APOLD1: variants seen among roughly 807,000 people sequenced by gnomAD.
APOLD1 encodes the protein apolipoprotein L domain containing 1.
Under a neutral mutation model 15.3 loss-of-function variants are expected in APOLD1, and 22 were observed. That is an observed-to-expected ratio of 1.44 (90% confidence interval 1.03 to 2.05). The LOEUF (loss-of-function observed/expected upper bound fraction) is 2.05, where lower values mean the gene tolerates loss of function less well. APOLD1 is among the 30% of genes most tolerant of loss of function. The probability of loss-of-function intolerance (pLI) is 0.00; values close to 1 mark genes in which losing one functional copy is unlikely to be tolerated. For missense variants in APOLD1, 394 were observed against 353.5 expected, an observed-to-expected ratio of 1.11 and a Z score of -0.92; for synonymous variants, 190 against 167.4, an observed-to-expected ratio of 1.13 and a Z score of -1.04.
At chr12:12,782,253 C>T (rs1001292140), upstream of APOLD1, among the ~76,000 whole-genome samples, 12 of 138,724 alleles carry the variant, frequency 8.7e-5, no homozygotes, top group South Asian at 2.4e-4. Flanking sequence ...AGCAAGACTC[C>T]GTCTCAAACA....
intron 1 of APOLD1, among the ~76,000 whole-genome samples, chr12:12,753,189 AAG>A (rs1478463745): frequency 2.0e-5 from 3 of 152,252 alleles, no homozygotes; most frequent in East Asian, 1.9e-4. Context: ...GCTAACATGA[AAG>A]AGAGACAAGA....
intron 1 of APOLD1, 198 bp from the exon 2 acceptor site, chr12:12,786,711 T>C: frequency 1.0e-6 from 1 of 985,176 alleles, no homozygotes; most frequent in Non-Finnish European, 1.2e-6. Context: ...CCTGAGAACT[T>C]GTGTGGCTCC....
chr12:12,768,735 A>C (rs577878271), intron 1 of APOLD1, among the ~76,000 whole-genome samples: 1 of 151,496 alleles, frequency 6.6e-6, no homozygotes, highest in African/African-American at 2.4e-5. Flanking sequence ...CAGACTTAGG[A>C]CTCAAACTCC....
At chr12:12,764,137 A>G (rs1308019810) in intron 1 of APOLD1, among the ~76,000 whole-genome samples, 1 of 151,952 alleles carries the variant, frequency 6.6e-6, no homozygotes, top group Non-Finnish European at 1.5e-5. Context: ...TAATTTTTGT[A>G]TTTTTAGTAG....
intron 1 of APOLD1, among the ~76,000 whole-genome samples, chr12:12,775,125 A>G (rs1346888351): frequency 2.0e-5 from 3 of 152,224 alleles, no homozygotes; most frequent in Admixed American, 6.5e-5. Flanking sequence ...CCAAAGAGAG[A>G]TGAGCTATCA....
chr12:12,764,389 T>C (rs542438997), intron 1 of APOLD1, among the ~76,000 whole-genome samples: 20 of 152,344 alleles, frequency 1.3e-4, no homozygotes, highest in African/African-American at 4.8e-4. Flanking sequence ...TTATGTTATG[T>C]TTTTTAAGTG....
At chr12:12,746,234 G>T (rs918754544) in intron 1 of APOLD1, among the ~76,000 whole-genome samples, 1 of 152,192 alleles carries the variant, frequency 6.6e-6, no homozygotes, top group Non-Finnish European at 1.5e-5. Flanking sequence ...AGTGGCTCAC[G>T]CCTGTAATCC....
intron 1 of APOLD1, among the ~76,000 whole-genome samples, chr12:12,736,212 G>A (rs923345591): frequency 3.3e-5 from 5 of 152,178 alleles, no homozygotes; most frequent in African/African-American, 4.8e-5. Context: ...TTAGGTGAGC[G>A]TGGTGGTGTG....
At chr12:12,776,841 A>T (rs1309643694) in intron 1 of APOLD1, among the ~76,000 whole-genome samples, 1 of 152,160 alleles carries the variant, frequency 6.6e-6, no homozygotes, top group Non-Finnish European at 1.5e-5. Flanking sequence ...AAACAGGTAA[A>T]CTGTTTAGTG....
intron 1 of APOLD1, among the ~76,000 whole-genome samples, chr12:12,746,546 A>G (rs1946768423): frequency 7.3e-6 from 1 of 136,922 alleles, no homozygotes; most frequent in Non-Finnish European, 1.6e-5. Flanking sequence ...TATTGCTCCA[A>G]ATGGTGAACA....
chr12:12,768,599 C>T (rs979733217), intron 1 of APOLD1, among the ~76,000 whole-genome samples: 18 of 151,744 alleles, frequency 1.2e-4, no homozygotes, highest in Admixed American at 2.6e-4. Flanking sequence ...TGGCAGTAAG[C>T]GCTAATCACG....
chr12:12,785,338 AG>A (rs1397017329), upstream of APOLD1, among the ~76,000 whole-genome samples: 1 of 152,152 alleles, frequency 6.6e-6, no homozygotes, highest in Non-Finnish European at 1.5e-5. Flanking sequence ...GTGCGTTTGA[AG>A]GCCTTCTCTA....
At chr12:12,760,845 A>ATAAT (rs550285959) in intron 1 of APOLD1, among the ~76,000 whole-genome samples, 4 of 152,180 alleles carry the variant, frequency 2.6e-5, no homozygotes, top group Admixed American at 6.5e-5. Context: ...TACCTCTCTA[A>ATAAT]TAGTCAGTAA....
rs1013002640 is a variant in APOLD1 at position 12,790,832 on chromosome 12, A to C, written c.*3180A>C. On this transcript the variant is annotated 3_prime_UTR_variant, in exon 2 of 2. Coordinates refer to ENST00000356591, the MANE Select transcript of APOLD1 (RefSeq NM_030817.3). The stretch of plus-strand genomic sequence containing the variant: ...AGATTGATTCTAGAAACAAATATTT[A>C]TTTCTTTCTTTTACGGGGATGTGAA... 11 of 152,290 alleles carry C rather than the reference A, an allele frequency of 7.2e-5. No homozygotes were observed. Among genetic ancestry groups the C allele is most frequent in the Middle Eastern group, 3.4e-3 (1 of 294 alleles). The allele number at this position is 152,290 out of a possible 1,614,324, so 9.4% of individuals were successfully genotyped here. A position where few individuals can be genotyped will look rare whatever the true frequency, so the allele number is the denominator to read the frequency against.
rs576943841 is a variant in APOLD1, at chr12:12,746,810, C to T, written c.96+20714C>T. Among the ~76,000 whole-genome samples, 41 of 152,222 alleles carry T rather than the reference C, an allele frequency of 2.7e-4. No individual in the cohort carries two copies. The South Asian group carries it at 8.1e-3, about 30-fold the overall frequency. On this transcript the variant is annotated intron_variant, in intron 1 of 1. Coordinates refer to the APOLD1 transcript ENST00000326765. The stretch of plus-strand genomic sequence containing the variant: ...TCTTCTTCTTCCCCCTTCCCTCCTT[C>T]TGGAGTGCCCAGTGTCTATTCTTAT...
intron 1 of APOLD1, among the ~76,000 whole-genome samples, chr12:12,734,870 C>T (rs946872295): frequency 2.0e-5 from 3 of 152,100 alleles, no homozygotes; most frequent in Non-Finnish European, 2.9e-5. Context: ...CAAACAGGAG[C>T]GCTGGCCTCC....
upstream of APOLD1, among the ~76,000 whole-genome samples, chr12:12,782,081 A>T (rs1251822089): frequency 6.6e-6 from 1 of 151,800 alleles, no homozygotes; most frequent in Non-Finnish European, 1.5e-5. Context: ...CAACAATGTG[A>T]AACCCCATCT....
At chr12:12,737,287 C>T (rs1946695561) in intron 1 of APOLD1, among the ~76,000 whole-genome samples, 1 of 151,912 alleles carries the variant, frequency 6.6e-6, no homozygotes, top group Non-Finnish European at 1.5e-5. Flanking sequence ...GGGTAACAAC[C>T]TAGAGTTGGC....
rs574279463 is a variant in APOLD1 at position 12,748,079 on chromosome 12, G to A, written c.96+21983G>A. ...AGTGGGGACTGGCAGGCTGAAGAGCGTTAATAAGCAGTCACAGCTGATGCA... is the reference window on the plus strand; with the variant it reads ...AGTGGGGACTGGCAGGCTGAAGAGCATTAATAAGCAGTCACAGCTGATGCA... On this transcript the variant is annotated intron_variant, in intron 1 of 1. Transcript: ENST00000326765. Among the ~76,000 whole-genome samples, 7 of 152,296 alleles carry A rather than the reference G, an allele frequency of 4.6e-5. No individual in the cohort carries two copies. In the South Asian group the frequency reaches 8.3e-4, roughly 18 times the overall value.
Sources: allele counts gnomAD v4.1 joint callset (sites outside exome capture counted in the v4.1 genomes callset), GRCh38; gene constraint gnomAD v4.1.1; transcripts MANE v1.5; gene names NCBI Gene and HGNC (gene_info 2026-07-23, HGNC 2026-07-21).